PPM1A: variants seen among roughly 807,000 people sequenced by gnomAD.
The protein encoded by PPM1A is protein phosphatase 1A.
Under a neutral mutation model 35.0 loss-of-function variants are expected in PPM1A, and 7 were observed. That is an observed-to-expected ratio of 0.20 (90% confidence interval 0.11 to 0.38). The LOEUF is 0.38. PPM1A is among the 10% of genes least tolerant of loss of function. The pLI is 1.00. For missense variants in PPM1A, 239 were observed against 467.8 expected, an observed-to-expected ratio of 0.51 and a Z score of 4.51; for synonymous variants, 153 against 167.3, an observed-to-expected ratio of 0.91 and a Z score of 0.66.
Position 60,249,620 on chromosome 14 carries a change from G to GGCT in PPM1A, c.-75_-73dup. On this transcript the variant is annotated 5_prime_UTR_variant, in exon 1 of 6. Transcript: ENST00000395076. The surrounding 1 kb of genome is among the most constrained non-coding windows in gnomAD (Gnocchi z 4.5). The stretch of plus-strand genomic sequence containing the variant: ...TCGCCGCCGCGGTGACCCCCTCCCC[G>GGCT]GCTGCCGCCGCCGCCGCCTCGGCCG... 1 of 983,000 alleles carries GGCT rather than the reference G, an allele frequency of 1.0e-6. No individual in the cohort carries two copies. The highest frequency in any genetic ancestry group is 1.8e-5 in the African/African-American group (1 of 56,216). 60.9% of individuals were successfully genotyped at this position (983,000 alleles called of 1,614,324 possible).
At chr14:60,259,850 A>G (rs1883544723) in intron 1 of PPM1A, among the ~76,000 whole-genome samples, 1 of 152,114 alleles carries the variant, frequency 6.6e-6, no homozygotes, top group Non-Finnish European at 1.5e-5. Flanking sequence ...GCAATTATAT[A>G]CTTACAAAGT....
At chr14:60,257,683 C>T (rs1883292655) in intron 1 of PPM1A, among the ~76,000 whole-genome samples, 1 of 152,082 alleles carries the variant, frequency 6.6e-6, no homozygotes, top group Non-Finnish European at 1.5e-5. Context: ...TTAGTACTAC[C>T]TTTTTCTTTA....
upstream of PPM1A, among the ~76,000 whole-genome samples, chr14:60,247,371 TG>T (rs1298700500): frequency 6.6e-6 from 1 of 152,082 alleles, no homozygotes; most frequent in African/African-American, 2.4e-5. Context: ...GGCTCACGAC[TG>T]TAATCCCAGC....
At chr14:60,257,042 A>G (rs1883216617) in intron 1 of PPM1A, among the ~76,000 whole-genome samples, 1 of 152,194 alleles carries the variant, frequency 6.6e-6, no homozygotes, top group Non-Finnish European at 1.5e-5. Context: ...ATTTTCCCCA[A>G]GAAGAGCTAT....
intron 1 of PPM1A, among the ~76,000 whole-genome samples, chr14:60,276,831 C>T (rs933614598): frequency 2.0e-5 from 3 of 152,130 alleles, no homozygotes; most frequent in Non-Finnish European, 4.4e-5. Flanking sequence ...CAAGACTCTA[C>T]TATGAGTTCA....
chr14:60,250,396 G>C (rs1882241923), intron 1 of PPM1A: 1 of 983,732 alleles, frequency 1.0e-6, no homozygotes. Flanking sequence ...AATAAACTTG[G>C]AGCCTTTTCT....
chr14:60,246,165 AG>A (rs1881774779), upstream of PPM1A: 1 of 991,798 alleles, frequency 1.0e-6, no homozygotes, highest in Non-Finnish European at 1.5e-6. Flanking sequence ...TAGCCTCCTG[AG>A]GGGGTCATTT....
In PPM1A at chr14:60,289,474, G is replaced by A. The variant is rs1339844722; in HGVS notation, c.953-332G>A. Among the ~76,000 whole-genome samples the A allele has an allele frequency of 6.6e-6, 1 of 152,098 alleles. No individual in the cohort carries two copies. The highest frequency in any genetic ancestry group is 1.5e-5 in the Non-Finnish European group (1 of 67,988). Reference sequence around the variant, plus strand: ...AAACATGTTTCCAGTCTAAAGAGAGGAGTGATGTAAGAAGAAACTAGTTGA... The same window carrying A: ...AAACATGTTTCCAGTCTAAAGAGAGAAGTGATGTAAGAAGAAACTAGTTGA... On this transcript the variant is annotated intron_variant, in intron 3 of 5. Coordinates refer to ENST00000395076, the MANE Select transcript of PPM1A (RefSeq NM_021003.5). The surrounding 1 kb of genome is among the most constrained non-coding windows in gnomAD (Gnocchi z 4.1).
chr14:60,260,462 T>G lies in PPM1A; in HGVS notation c.-21+10785T>G, dbSNP rs1057421874. 1.2e-4 allele frequency among the ~76,000 whole-genome samples: 18 copies of G among 152,222 alleles called. 1 individual carries two copies. Among genetic ancestry groups the G allele is most frequent in the Admixed American group, 1.1e-3 (17 of 15,294 alleles). ...CTGCTATGTATAATCCATAGTCACG[T>G]TTTTTAACCTTTTTATATAAAATAC... On this transcript the variant is annotated intron_variant, in intron 1 of 5. Transcript: ENST00000395076.
At chr14:60,259,269 T>C (rs939376748) in intron 1 of PPM1A, among the ~76,000 whole-genome samples, 1 of 152,078 alleles carries the variant, frequency 6.6e-6, no homozygotes, top group African/African-American at 2.4e-5. Context: ...ACATTTCATA[T>C]GTGTAAAATA....
chr14:60,276,241 T>A (rs1041877850), intron 1 of PPM1A, among the ~76,000 whole-genome samples: 1 of 152,296 alleles, frequency 6.6e-6, no homozygotes, highest in Non-Finnish European at 1.5e-5. Flanking sequence ...TGCAAGTAAT[T>A]TGAATATTGC....
rs1888035007 is a variant in PPM1A at position 60,295,977 on chromosome 14, A to G, written c.*3495A>G. On this transcript the variant is annotated 3_prime_UTR_variant, in exon 6 of 6. Transcript: ENST00000395076. ...CTGAAGAGGCTTAAGCCCATTCAGT[A>G]TCCTTGATTGCATTTATCCAACGGC... The G allele has an allele frequency of 6.6e-6, 1 of 151,724 alleles. No homozygotes were observed. Among genetic ancestry groups the G allele is most frequent in the African/African-American group, 2.4e-5 (1 of 41,400 alleles). 9.4% of individuals were successfully genotyped at this position (151,724 alleles called of 1,614,324 possible).
chr14:60,284,099 C>T (rs1262867122), intron 2 of PPM1A, among the ~76,000 whole-genome samples: 1 of 152,034 alleles, frequency 6.6e-6, no homozygotes, highest in African/African-American at 2.4e-5. Context: ...TTTTTTTCAT[C>T]ATAAAAAGGA....
At position 60,283,651 on chromosome 14, in the gene PPM1A, A is replaced by G. The variant is rs1404577375; in HGVS notation, c.834+114A>G. ...TGAAACCAGTTTTTGGCACAACTGTAGGATACTGTTCACCAATTATGAAAA... is the reference window on the plus strand; with the variant it reads ...TGAAACCAGTTTTTGGCACAACTGTGGGATACTGTTCACCAATTATGAAAA... On this transcript the variant is annotated intron_variant, in intron 2 of 5. Transcript: ENST00000395076. The surrounding 1 kb of genome is among the most constrained non-coding windows in gnomAD (Gnocchi z 6.3). 8.9e-6 allele frequency: 9 copies of G among 1,010,992 alleles called. No individual in the cohort carries two copies. The highest frequency in any genetic ancestry group is 1.3e-5 in the Non-Finnish European group (9 of 702,508). The allele number at this position is 1,010,992 out of a possible 1,614,324, so 62.6% of individuals were successfully genotyped here.
chr14:60,280,367 A>G (rs1374249318), intron 1 of PPM1A, among the ~76,000 whole-genome samples: 1 of 152,200 alleles, frequency 6.6e-6, no homozygotes, highest in African/African-American at 2.4e-5. Context: ...CAGTAGTCAC[A>G]CTATTACTAA....
At chr14:60,250,477 C>T (rs927385732) in intron 1 of PPM1A, 16 of 964,796 alleles carry the variant, frequency 1.7e-5, no homozygotes, top group Non-Finnish European at 1.1e-5. Context: ...ATTTCATCAC[C>T]TGAGGTATTT....
chr14:60,249,782 C>G lies in PPM1A; in HGVS notation c.-21+105C>G. 1 of 704,300 alleles carries G rather than the reference C, an allele frequency of 1.4e-6. No homozygotes were observed. 43.6% of individuals were successfully genotyped at this position (704,300 alleles called of 1,614,324 possible). A position where few individuals can be genotyped will look rare whatever the true frequency, so the allele number is the denominator to read the frequency against. On this transcript the variant is annotated intron_variant, in intron 1 of 5. Coordinates refer to ENST00000395076, the MANE Select transcript of PPM1A (RefSeq NM_021003.5). This position sits in a 1 kb window ranked among gnomAD's most constrained non-coding sequence, Gnocchi z 4.5. ...CCTGTAAACAAGCCGGGCGTCTGCCCGGGCGCTCCCGGGAGGAGACGCGAC... is the reference window on the plus strand; with the variant it reads ...CCTGTAAACAAGCCGGGCGTCTGCCGGGGCGCTCCCGGGAGGAGACGCGAC...
At chr14:60,246,734 T>A (rs568483455), upstream of PPM1A, among the ~76,000 whole-genome samples, 5 of 152,330 alleles carry the variant, frequency 3.3e-5, no homozygotes, top group South Asian at 8.3e-4. Context: ...GATATCTTTT[T>A]AAAATATTAA....
chr14:60,253,266 T>C (rs1882657695), intron 1 of PPM1A, among the ~76,000 whole-genome samples: 2 of 152,154 alleles, frequency 1.3e-5, no homozygotes, highest in African/African-American at 2.4e-5. Flanking sequence ...AATTAAGATC[T>C]TTTGAGACTA....
Sources: allele counts gnomAD v4.1 joint callset (sites outside exome capture counted in the v4.1 genomes callset), GRCh38; gene constraint gnomAD v4.1.1; non-coding constraint Gnocchi (gnomAD v3.1); transcripts MANE v1.5; gene names NCBI Gene and HGNC (gene_info 2026-07-23, HGNC 2026-07-21).